The following HNRNPH1 variants were observed in gnomAD, a reference collection of about 807,000 sequenced individuals.
HNRNPH1 encodes heterogeneous nuclear ribonucleoprotein H1, also known as heterogeneous nuclear ribonucleoprotein H.
A neutral mutation model predicts 58.6 loss-of-function variants in HNRNPH1; 4 were observed. The observed-to-expected ratio is 0.07, with a 90% CI of 0.03 to 0.16. The LOEUF (loss-of-function observed/expected upper bound fraction) is 0.16, where lower values mean the gene tolerates loss of function less well. HNRNPH1 is among the 10% of genes least tolerant of loss of function. The pLI is 1.00. For synonymous variants in HNRNPH1, 192 were observed against 189.2 expected (o/e 1.01, Z -0.12); for missense variants, 271 against 564.2 (o/e 0.48, Z 5.26).
exon 1 of HNRNPH1, chr5:179,623,038 A>C (rs756761434): frequency 2.0e-6 from 3 of 1,535,066 alleles, no homozygotes; most frequent in African/African-American, 2.8e-5. Flanking sequence ...CTAACTCACC[A>C]GAAAAAAACC....
chr5:179,623,705 C>T (rs1415333856), exon 1 of HNRNPH1: 2 of 152,518 alleles, frequency 1.3e-5, no homozygotes, highest in Non-Finnish European at 1.5e-5. Context: ...AAATAAGGTC[C>T]CTTGTGCGAG....
chr5:179,616,772 T>C, intron 10 of HNRNPH1, 97 bp downstream of exon 11: 1 of 1,088,098 alleles, frequency 9.2e-7, no homozygotes. Context: ...CCTAAGTTTC[T>C]TATGCTAAAC....
chr5:179,616,811 A>G, intron 10 of HNRNPH1, 58 bp downstream of exon 11: 1 of 1,351,990 alleles, frequency 7.4e-7, no homozygotes, highest in Non-Finnish European at 1.0e-6. Flanking sequence ...AACTTAACTT[A>G]TAATTGACTT....
chr5:179,619,151 CA>C, intron 4 of HNRNPH1, 117 bp downstream of exon 5: 1 of 918,650 alleles, frequency 1.1e-6, no homozygotes, highest in Non-Finnish European at 1.6e-6. Flanking sequence ...GAAATCATGG[CA>C]AAACATCAAT....
At chr5:179,618,349 G>A in intron 4 of HNRNPH1, 26 bp from the exon 6 acceptor site, 3 of 1,530,710 alleles carry the variant, frequency 2.0e-6, no homozygotes, top group Non-Finnish European at 2.7e-6. Flanking sequence ...TAAGGAAGGG[G>A]TAGGGAGGGG....
At chr5:179,615,956 C>CATTTCATAACCCA (rs1248721345) in intron 11 of HNRNPH1, 170 bp downstream of exon 12, 86 of 595,920 alleles carry the variant, frequency 1.4e-4, no homozygotes, top group Non-Finnish European at 2.5e-4. Context: ...TGAAAGCATA[C>CATTTCATAACCCA]ATTTCATAAC....
intron 3 of HNRNPH1, among the ~76,000 whole-genome samples, chr5:179,620,426 G>A (rs1322086896): frequency 1.3e-5 from 2 of 152,178 alleles, no homozygotes; most frequent in Non-Finnish European, 2.9e-5. Flanking sequence ...GTTAAACCAA[G>A]TCTTTCATAA....
exon 1 of HNRNPH1, chr5:179,623,545 G>A (rs1403809360): frequency 5.8e-6 from 1 of 172,278 alleles, no homozygotes; most frequent in Non-Finnish European, 1.3e-5. Flanking sequence ...GGTCCCCGTG[G>A]CCCTCCCAGA....
At chr5:179,626,926 G>A (rs1023908073), upstream of HNRNPH1, among the ~76,000 whole-genome samples, 1 of 151,322 alleles carries the variant, frequency 6.6e-6, no homozygotes, top group African/African-American at 2.4e-5. Flanking sequence ...GACGACAGGC[G>A]CCCGCCACCA....
chr5:179,615,060 A>T, intron 12 of HNRNPH1, 101 bp from the exon 14 acceptor site: 1 of 748,746 alleles, frequency 1.3e-6, no homozygotes, highest in Admixed American at 2.1e-5. Context: ...ACGAGTACAA[A>T]TGGCTGCTGT....
intron 2 of HNRNPH1, among the ~76,000 whole-genome samples, chr5:179,631,244 CAT>C (rs1304079666): frequency 2.6e-5 from 4 of 151,754 alleles, no homozygotes; most frequent in African/African-American, 7.3e-5. Context: ...ATTAAAATAT[CAT>C]GTGGTGGGAA....
At chr5:179,622,563 T>C (rs988076427) in intron 1 of HNRNPH1, among the ~76,000 whole-genome samples, 2 of 151,922 alleles carry the variant, frequency 1.3e-5, no homozygotes, top group African/African-American at 4.8e-5. Context: ...ATACAAAAAT[T>C]AGCCGGGCGT....
At chr5:179,620,215 C>T (rs1244515702) in intron 3 of HNRNPH1, among the ~76,000 whole-genome samples, 1 of 152,196 alleles carries the variant, frequency 6.6e-6, no homozygotes, top group Non-Finnish European at 1.5e-5. Flanking sequence ...CAGCGTATCA[C>T]ATCATAAATA....
At chr5:179,624,052 G>C (rs2127722792) in exon 1 of HNRNPH1, 1 of 155,848 alleles carries the variant, frequency 6.4e-6, no homozygotes, top group East Asian at 1.9e-4. Context: ...GCTCTGGGTT[G>C]TGATGAGGTG....
rs750582255 is a variant in HNRNPH1 at position 179,619,603 on chromosome 5, C to T, written c.398-196G>A. On this transcript the variant is annotated intron_variant, in intron 3 of 12. Coordinates refer to ENST00000356731, the Ensembl canonical transcript of HNRNPH1. The stretch of plus-strand genomic sequence containing the variant: ...TTATAAAGTATAACTATTCTTAACA[C>T]ACCCATGGTACAGTATATATTAAAA... 19 of 493,654 alleles carry T rather than the reference C, an allele frequency of 3.8e-5. No homozygotes were observed. The Middle Eastern group carries it at 1.6e-3, about 42-fold the overall frequency. The allele number at this position is 493,654 out of a possible 1,614,324, so 30.6% of individuals were successfully genotyped here.
upstream of HNRNPH1, among the ~76,000 whole-genome samples, chr5:179,625,748 T>C (rs561366451): frequency 1.3e-5 from 2 of 151,648 alleles, no homozygotes; most frequent in South Asian, 2.1e-4. Context: ...GTCCAACTTA[T>C]ATTAAAACAA....
chr5:179,625,120 A>G (rs1238229357), upstream of HNRNPH1, among the ~76,000 whole-genome samples: 2 of 151,914 alleles, frequency 1.3e-5, no homozygotes, highest in Admixed American at 6.6e-5. Context: ...ATGACGGTAC[A>G]TACCAGGCCC....
intron 5 of HNRNPH1, 39 bp from the exon 7 acceptor site, chr5:179,618,099 G>C: frequency 1.2e-6 from 2 of 1,613,414 alleles, no homozygotes; most frequent in South Asian, 1.1e-5. Context: ...AAAACACCTA[G>C]ACAAAGGAAC....
rs1008144408 is a variant in HNRNPH1, at chr5:179,614,928, G to A, written c.*32C>T. The A allele has an allele frequency of 1.2e-5, 18 of 1,549,404 alleles. No homozygotes were observed. The Admixed American group carries it at 2.2e-4, about 19-fold the overall frequency. ...CCATAGATGCACGGCTTCCACTACT[G>A]TAGTAGCTGCTGTTCACTGCTCCTT... On this transcript the variant is annotated 3_prime_UTR_variant, in exon 13 of 13. Transcript: ENST00000356731.
Sources: allele counts gnomAD v4.1 joint callset (sites outside exome capture counted in the v4.1 genomes callset), GRCh38; gene constraint gnomAD v4.1.1; transcripts MANE v1.5; gene names NCBI Gene and HGNC (gene_info 2026-07-23, HGNC 2026-07-21).